Variants in SCN1A observed in about 807,000 individuals in gnomAD.
SCN1A encodes the protein sodium voltage-gated channel alpha subunit 1.
A neutral mutation model predicts 193.7 loss-of-function variants in SCN1A; 13 were observed. The ratio of observed to expected loss-of-function variants is 0.07; its 90% CI spans 0.04 to 0.11. SCN1A has a LOEUF of 0.11. SCN1A is among the 10% of genes least tolerant of loss of function. The pLI is 1.00. For synonymous variants in SCN1A, 781 were observed against 843.6 expected, an observed-to-expected ratio of 0.93 and a Z score of 1.29; for missense variants, 1,432 against 2,451.1, an observed-to-expected ratio of 0.58 and a Z score of 8.78.
At chr2:166,042,902 T>G (rs1697346123) in intron 14 of SCN1A, among the ~76,000 whole-genome samples, 1 of 152,120 alleles carries the variant, frequency 6.6e-6, no homozygotes, top group Non-Finnish European at 1.5e-5. Context: ...CAACACAAAC[T>G]CTATGTTAAA....
intron 28 of SCN1A, chr2:165,993,136 G>T (rs1442362861): frequency 1.3e-5 from 2 of 151,332 alleles, no homozygotes; most frequent in African/African-American, 4.9e-5. Context: ...GAAACTAAAT[G>T]CCTTCAAGTT....
intron 26 of SCN1A, 89 bp from the exon 27 acceptor site, chr2:165,996,206 A>G (rs1010667155): frequency 2.2e-5 from 18 of 805,748 alleles, no homozygotes; most frequent in Admixed American, 1.3e-4. Context: ...GGCTAAAAAA[A>G]GAAATACAAA....
At chr2:166,037,702 G>A (rs1372167815) in intron 18 of SCN1A, 74 bp downstream of exon 18, 3 of 1,279,754 alleles carry the variant, frequency 2.3e-6, no homozygotes, top group Admixed American at 3.4e-5. Flanking sequence ...TGCACAATGT[G>A]CAGGTTAGTT....
rs1158355890 is a variant in SCN1A, at chr2:166,049,571, A to G, written c.965-622T>C. ...AGTCTTAAATACTAAAGCTAAAATA[A>G]TGACTATAGGTGAACACTACATTAT... is the stretch of plus-strand genomic sequence containing the variant. On this transcript the variant is annotated intron_variant, in intron 9 of 28. Transcript: ENST00000674923. Among the ~76,000 whole-genome samples the G allele has an allele frequency of 3.3e-5, 5 of 152,068 alleles. No homozygotes were observed. The East Asian group carries it at 9.6e-4, about 29-fold the overall frequency.
chr2:166,073,322 A>G, intron 4 of SCN1A, 36 bp downstream of exon 4: 9 of 1,612,126 alleles, frequency 5.6e-6, no homozygotes, highest in Non-Finnish European at 7.6e-6. Flanking sequence ...GCAGTAGGCA[A>G]TTAGCAGCAA....
intron 17 of SCN1A, 57 bp from the exon 18 acceptor site, chr2:166,038,189 T>A: frequency 7.6e-7 from 1 of 1,311,562 alleles, no homozygotes; most frequent in South Asian, 1.4e-5. Context: ...TTATATATAT[T>A]GAGCTTTACC....
At chr2:166,005,211 C>A (rs1211897984) in intron 23 of SCN1A, among the ~76,000 whole-genome samples, 2 of 151,312 alleles carry the variant, frequency 1.3e-5, no homozygotes, top group Non-Finnish European at 3.0e-5. Flanking sequence ...AATATAAGAA[C>A]ATACCAGAGA....
chr2:166,144,301 G>A (rs76038920), intron 1 of SCN1A, among the ~76,000 whole-genome samples: 8,981 of 152,236 alleles, frequency 0.059, 824 homozygotes, highest in Admixed American at 0.25. Flanking sequence ...CTGCATTTTC[G>A]TTGGTGAAAA....
chr2:166,077,234 AT>A (rs1685074059), intron 3 of SCN1A: 1 of 151,864 alleles, frequency 6.6e-6, no homozygotes. Flanking sequence ...AAAATGAAAA[AT>A]TTTGCTCTGT....
chr2:166,024,139 C>T (rs543582019), intron 19 of SCN1A, among the ~76,000 whole-genome samples: 3 of 151,980 alleles, frequency 2.0e-5, no homozygotes, highest in Non-Finnish European at 2.9e-5. Flanking sequence ...GGTGGGAGGA[C>T]GGCTTGAGCC....
At chr2:165,993,936 T>C (rs926623343) in intron 28 of SCN1A, 8 of 584,100 alleles carry the variant, frequency 1.4e-5, no homozygotes, top group Admixed American at 9.1e-5. Context: ...ACATTTACAC[T>C]AAGTATATTG....
At chr2:165,984,917 A>G (rs368100236), downstream of SCN1A, 1 of 152,200 alleles carries the variant, frequency 6.6e-6, no homozygotes, top group South Asian at 2.1e-4. Flanking sequence ...GTTTATATCA[A>G]CAAGATTATT....
At chr2:166,064,929 T>G (rs1683682579) in intron 4 of SCN1A, among the ~76,000 whole-genome samples, 1 of 152,180 alleles carries the variant, frequency 6.6e-6, no homozygotes, top group African/African-American at 2.4e-5. Flanking sequence ...TTGGTTAAAT[T>G]TATCCTTTAG....
chr2:166,008,208 A>G (rs762646725), intron 23 of SCN1A, among the ~76,000 whole-genome samples: 1 of 151,296 alleles, frequency 6.6e-6, no homozygotes, highest in Non-Finnish European at 1.5e-5. Flanking sequence ...GAAAATTAAA[A>G]GTATACCGAT....
At chr2:166,106,580 A>T (rs1172230731) in intron 2 of SCN1A, among the ~76,000 whole-genome samples, 4 of 152,070 alleles carry the variant, frequency 2.6e-5, no homozygotes, top group African/African-American at 9.7e-5. Context: ...TGAAGTGAGG[A>T]TGTGTCTGTG....
Position 165,991,014 on chromosome 2 carries a change from G to T in SCN1A, c.*231C>A. The T allele has an allele frequency of 1.9e-6, 1 of 522,752 alleles. No individual in the cohort carries two copies. The highest frequency in any genetic ancestry group is 3.4e-6 in the Non-Finnish European group (1 of 293,754). 32.4% of individuals were successfully genotyped at this position (522,752 alleles called of 1,614,324 possible). On this transcript the variant is annotated 3_prime_UTR_variant, in exon 29 of 29. Transcript: ENST00000674923. The stretch of plus-strand genomic sequence containing the variant: ...CATTGTGCATCTTATCTTCAGCAGT[G>T]TCAGCTGGTAGTGAGAACAGTAACC...
At chr2:166,085,143 C>T (rs1445613863) in intron 2 of SCN1A, among the ~76,000 whole-genome samples, 4 of 152,148 alleles carry the variant, frequency 2.6e-5, no homozygotes, top group Admixed American at 2.6e-4. Context: ...TGATGCCATC[C>T]CTATTGGACT....
rs76615022 is a variant in SCN1A at position 166,093,789 on chromosome 2, A to T, written c.-141-15988T>A. Among the ~76,000 whole-genome samples, 431 of 152,338 alleles carry T rather than the reference A, an allele frequency of 2.8e-3. 3 individuals carry two copies. The highest frequency in any genetic ancestry group is 0.01 in the African/African-American group (418 of 41,582). ...TTTTGTTTTAAAACAAAAGAAAAAA[A>T]TGGAGGTTCAGCAAAGTTAAATAGC... is the stretch of plus-strand genomic sequence containing the variant. On this transcript the variant is annotated intron_variant, in intron 2 of 28. Coordinates refer to ENST00000674923, the MANE Select transcript of SCN1A (RefSeq NM_001165963.4).
intron 27 of SCN1A, 89 bp from the exon 28 acceptor site, chr2:165,994,505 G>A: frequency 7.8e-7 from 1 of 1,278,174 alleles, no homozygotes; most frequent in African/African-American, 1.5e-5. Flanking sequence ...TGACTTTCTA[G>A]TTTCTTGCAA....
Sources: gnomAD v4.1 joint callset for allele counts (sites outside exome capture counted in the v4.1 genomes callset) on GRCh38, gnomAD v4.1.1 for gene constraint, MANE v1.5 for transcripts, NCBI Gene and HGNC (gene_info 2026-07-23, HGNC 2026-07-21) for gene names.